BLM: variants seen among roughly 807,000 people sequenced by gnomAD.
BLM encodes the protein BLM RecQ like helicase.
Under a neutral mutation model 135.3 loss-of-function variants are expected in BLM, and 95 were observed. That is an observed-to-expected ratio of 0.70 (90% confidence interval 0.59 to 0.83). The LOEUF is 0.83. Ranked by LOEUF, BLM falls within the 40% of genes least tolerant of loss-of-function variation. The pLI, the probability that BLM is intolerant of heterozygous loss-of-function variation, is 0.00. For synonymous variants in BLM, 520 were observed against 589.2 expected (o/e 0.88, Z 1.70); for missense variants, 1,518 against 1,663.9 (o/e 0.91, Z 1.53).
At chr15:90,797,414 C>CAAAA (rs56369282) in intron 16 of BLM, among the ~76,000 whole-genome samples, 43 of 109,600 alleles carry the variant, frequency 3.9e-4, no homozygotes, top group East Asian at 9.0e-4. Flanking sequence ...AACTCCATCT[C>CAAAA]AAAAAAAAAA....
At chr15:90,735,829 C>T (rs1895200639) in intron 1 of BLM, among the ~76,000 whole-genome samples, 1 of 151,746 alleles carries the variant, frequency 6.6e-6, no homozygotes, top group African/African-American at 2.4e-5. Flanking sequence ...AAATGAAAAA[C>T]ACCATAAGCA....
chr15:90,815,060 G>C lies in BLM; in HGVS notation c.4077-42G>C, dbSNP rs1897522803. On this transcript the variant is annotated intron_variant, in intron 21 of 21. Coordinates refer to ENST00000355112, the MANE Select transcript of BLM (RefSeq NM_000057.4). The surrounding 1 kb of genome is among the most constrained non-coding windows in gnomAD (Gnocchi z 4.6). Reference sequence around the variant, plus strand: ...TTGAGAGGAAGGTCATTCATTTTTGGTTTCATTTAACATTTTGATTTTTTT... The same window carrying C: ...TTGAGAGGAAGGTCATTCATTTTTGCTTTCATTTAACATTTTGATTTTTTT... The C allele has an allele frequency of 1.2e-6, 2 of 1,604,010 alleles. No homozygotes were observed. The highest frequency in any genetic ancestry group is 1.6e-4 in the Middle Eastern group (1 of 6,076).
At position 90,804,111 on chromosome 15, in the gene BLM, G is replaced by A. The variant is rs891213503; in HGVS notation, c.3559-56G>A. On this transcript the variant is annotated intron_variant, in intron 18 of 21. Transcript: ENST00000355112. ...CAATTAAGCATTAAATAAAGCCCCT[G>A]TATGGGTACAAGTGCACATATACCC... The A allele has an allele frequency of 4.0e-6, 6 of 1,509,444 alleles. No individual in the cohort carries two copies. The African/African-American group carries it at 4.2e-5, about 10-fold the overall frequency. The allele number at this position is 1,509,444 out of a possible 1,614,324, so 93.5% of individuals were successfully genotyped here. A position where few individuals can be genotyped will look rare whatever the true frequency, so the allele number is the denominator to read the frequency against.
rs1895949043 is a variant in BLM, at chr15:90,760,660, A to C, written c.1287A>C (p.Arg429Ser). Residue 429 changes from arginine (R) to serine (S), a missense_variant, in exon 7 of 22, where the codon AGA (arginine) becomes AGC (serine). Coordinates refer to ENST00000355112, the MANE Select transcript of BLM (RefSeq NM_000057.4). ...SDASLLGSLW[R>S]YRPDSLDGPM... Reference sequence around the variant, plus strand: ...CCAGTCTTCTTGGCTCATTGTGGAGATACAGGCCTGATTCACTTGATGGCC... The same window carrying C: ...CCAGTCTTCTTGGCTCATTGTGGAGCTACAGGCCTGATTCACTTGATGGCC... 3 of 1,613,982 alleles carry C rather than the reference A, an allele frequency of 1.9e-6. No homozygotes were observed. Among genetic ancestry groups the C allele is most frequent in the Non-Finnish European group, 8.5e-7 (1 of 1,179,850 alleles).
At chr15:90,739,450 C>T (rs576397668) in intron 1 of BLM, among the ~76,000 whole-genome samples, 1 of 152,132 alleles carries the variant, frequency 6.6e-6, no homozygotes, top group Admixed American at 6.5e-5. Flanking sequence ...GTGACTCATA[C>T]CTGTAATCCC....
intron 5 of BLM, among the ~76,000 whole-genome samples, chr15:90,757,034 A>T (rs1382887351): frequency 6.6e-6 from 1 of 152,196 alleles, no homozygotes; most frequent in Non-Finnish European, 1.5e-5. Flanking sequence ...GTTATCTGCC[A>T]GTCTAGTAAT....
In BLM at chr15:90,722,295, G is replaced by C. The variant is rs558993070; in HGVS notation, c.-5+4855G>C. Among the ~76,000 whole-genome samples, 9 of 152,102 alleles carry C rather than the reference G, an allele frequency of 5.9e-5. No homozygotes were observed. In the East Asian group the frequency reaches 1.8e-3, roughly 30 times the overall value. ...CGGCTAATTTTTTGTATTTTTAGTA[G>C]AGACCGGGTTTCACTGTGTTAGCCA... On this transcript the variant is annotated intron_variant, in intron 1 of 21. Transcript: ENST00000355112.
chr15:90,769,626 A>G (rs761567903), intron 12 of BLM, 40 bp downstream of exon 12: 17 of 1,599,768 alleles, frequency 1.1e-5, no homozygotes, highest in Non-Finnish European at 1.3e-5. Context: ...ACCCTGGGGC[A>G]GTGACTGCCA....
intron 14 of BLM, among the ~76,000 whole-genome samples, chr15:90,788,794 G>A (rs8036810): frequency 9.9e-4 from 150 of 151,682 alleles, no homozygotes; most frequent in African/African-American, 3.2e-3. Context: ...GCAACATGGC[G>A]AAACCCCATC....
In BLM at chr15:90,747,452, A is replaced by G. The variant is rs1596215695; in HGVS notation, c.60A>G (p.Thr20=). The G allele has an allele frequency of 1.2e-6, 2 of 1,610,804 alleles. No homozygotes were observed. Among genetic ancestry groups the G allele is most frequent in the South Asian group, 1.1e-5 (1 of 90,518 alleles). The part of the protein sequence containing the change: ...QEQLERHSAR[T]LNNKLSLSKP... ...AACTAGAACGTCACTCAGCCAGAAC[A>G]CTTAATAATAAATTAAGTCTTTCAA... The change falls in exon 2 of 22, where the codon ACA becomes ACG. Residue 20 remains threonine (T), a synonymous_variant. Coordinates refer to ENST00000355112, the MANE Select transcript of BLM (RefSeq NM_000057.4).
At chr15:90,758,715 T>A (rs1256085781) in intron 5 of BLM, among the ~76,000 whole-genome samples, 2 of 152,176 alleles carry the variant, frequency 1.3e-5, no homozygotes, top group African/African-American at 4.8e-5. Context: ...TCAATCTTAT[T>A]TGAAATCTGT....
intron 20 of BLM, 132 bp downstream of exon 20, chr15:90,809,391 G>C: frequency 6.9e-7 from 1 of 1,453,812 alleles, no homozygotes; most frequent in East Asian, 2.3e-5. Flanking sequence ...TCAGCCCCCA[G>C]TGGTGTGCCA....
At chr15:90,794,905 A>G (rs1896994876) in intron 16 of BLM, among the ~76,000 whole-genome samples, 1 of 152,018 alleles carries the variant, frequency 6.6e-6, no homozygotes, top group Non-Finnish European at 1.5e-5. Context: ...AAAGAATAAC[A>G]GTAACTGCTT....
rs758782238 is a variant in BLM at position 90,763,052 on chromosome 15, A to G, written c.1969A>G (p.Lys657Glu). 1 of 1,613,994 alleles carries G rather than the reference A, an allele frequency of 6.2e-7. No homozygotes were observed. Among genetic ancestry groups the G allele is most frequent in the African/African-American group, 1.3e-5 (1 of 74,924 alleles). Residue 657 changes from lysine (K) to glutamate (E), a missense_variant, in exon 8 of 22, where the codon AAG becomes GAG. Around this residue, in one of 5 missense-constraint regions of BLM, gnomAD observed 724 missense variants for 756.9 expected, o/e 0.96. Transcript: ENST00000355112. ...TTTTCCTCATACAAAGGAAATGATGAAGATTTTTCATAAAAAATTTGGCCT... is the reference window on the plus strand; with the variant it reads ...TTTTCCTCATACAAAGGAAATGATGGAGATTTTTCATAAAAAATTTGGCCT... ...LSFPHTKEMMKIFHKKFGLHN... is the reference protein window; with the variant it reads ...LSFPHTKEMMEIFHKKFGLHN...
At chr15:90,724,756 C>G (rs983789511) in intron 1 of BLM, among the ~76,000 whole-genome samples, 11 of 152,306 alleles carry the variant, frequency 7.2e-5, no homozygotes, top group Non-Finnish European at 1.6e-4. Context: ...CACCAGCCTC[C>G]CACCATCTCT....
rs3815003 is a variant in BLM, at chr15:90,769,593, T to C, written c.2555+7T>C. ...AGATTCTCAGACCTCAGGTGTAAGT[T>C]GTTGCACGTCACGTATTTGAGAACC... On this transcript the variant is annotated splice_region_variant and intron_variant, in intron 12 of 21. Transcript: ENST00000355112. 465,738 of 1,612,356 alleles carry C rather than the reference T, an allele frequency of 0.29. 72,224 individuals are homozygous for C. The highest frequency in any genetic ancestry group is 0.59 in the African/African-American group (44,303 of 74,834).
At chr15:90,763,257 C>T in intron 8 of BLM, 100 bp downstream of exon 8, 2 of 1,243,818 alleles carry the variant, frequency 1.6e-6, no homozygotes, top group Non-Finnish European at 2.4e-6. Flanking sequence ...GTATTTCTAT[C>T]ATTTAGGGAC....
chr15:90,756,253 A>G (rs563358651), intron 5 of BLM, among the ~76,000 whole-genome samples: 1 of 152,122 alleles, frequency 6.6e-6, no homozygotes, highest in Admixed American at 6.5e-5. Context: ...ACAGGTGTGT[A>G]CCACCATATC....
chr15:90,801,660 C>A (rs1205746530), intron 17 of BLM, among the ~76,000 whole-genome samples: 1 of 152,150 alleles, frequency 6.6e-6, no homozygotes, highest in Non-Finnish European at 1.5e-5. Flanking sequence ...TCAGGTCCTT[C>A]TGTGTGTAGG....
Sources: gnomAD v4.1 joint callset for allele counts (sites outside exome capture counted in the v4.1 genomes callset) on GRCh38, gnomAD v4.1.1 for gene constraint, gnomAD v4.1.1 regional missense constraint, Gnocchi (gnomAD v3.1) non-coding constraint, MANE v1.5 for transcripts, NCBI Gene and HGNC (gene_info 2026-07-23, HGNC 2026-07-21) for gene names.